Variants in PLEKHA7 observed in about 807,000 individuals in gnomAD.
The protein encoded by PLEKHA7 is pleckstrin homology domain-containing family A member 7.
A neutral mutation model predicts 170.0 loss-of-function variants in PLEKHA7; 104 were observed. That is an observed-to-expected ratio of 0.61 (90% confidence interval 0.52 to 0.72). The LOEUF is 0.72. Among genes scored for constraint, PLEKHA7 ranks in the 30% least tolerant of loss-of-function variants. PLEKHA7 has a pLI of 0.00. For synonymous variants in PLEKHA7, 648 were observed against 660.8 expected (o/e 0.98, Z 0.30); for missense variants, 1,615 against 1,671.7 (o/e 0.97, Z 0.59).
chr11:16,780,809 G>A lies in PLEKHA7; in HGVS notation c.3794-1789C>T, dbSNP rs1414786237. 1.7e-5 allele frequency: 3 copies of A among 177,144 alleles called. No homozygotes were observed. The Admixed American group carries it at 2.0e-4, about 12-fold the overall frequency. 11.0% of individuals were successfully genotyped at this position (177,144 alleles called of 1,614,324 possible). A position where few individuals can be genotyped will look rare whatever the true frequency, so the allele number is the denominator to read the frequency against. ...CCTACCAGTCAGAACAGTCCCGCCA[G>A]CGGCCGCTTTGCCAGTGGAAGGAGG... On this transcript the variant is annotated intron_variant, in intron 26 of 26. Transcript: ENST00000531066.
intron 3 of PLEKHA7, among the ~76,000 whole-genome samples, chr11:16,889,187 TG>T (rs924965153): frequency 2.0e-5 from 3 of 150,828 alleles, no homozygotes; most frequent in African/African-American, 7.3e-5. Flanking sequence ...CAATCAACTT[TG>T]TGACATTCTT....
intron 3 of PLEKHA7, among the ~76,000 whole-genome samples, chr11:16,954,928 G>C (rs962322996): frequency 1.3e-5 from 2 of 151,998 alleles, no homozygotes; most frequent in Non-Finnish European, 2.9e-5. Flanking sequence ...CTGACCTCGT[G>C]ATCCGCCCGC....
chr11:16,985,149 C>A (rs972890691), intron 3 of PLEKHA7, among the ~76,000 whole-genome samples: 7 of 152,232 alleles, frequency 4.6e-5, no homozygotes. Flanking sequence ...GATGCCTCTG[C>A]CTCATTCATC....
chr11:16,968,259 C>A (rs1236478488), intron 3 of PLEKHA7, among the ~76,000 whole-genome samples: 1 of 152,232 alleles, frequency 6.6e-6, no homozygotes, highest in Non-Finnish European at 1.5e-5. Flanking sequence ...TCCTCCCAAA[C>A]AACCACAAGG....
intron 4 of PLEKHA7, among the ~76,000 whole-genome samples, chr11:16,870,482 T>C (rs1431489496): frequency 1.3e-5 from 2 of 151,542 alleles, no homozygotes; most frequent in African/African-American, 4.9e-5. Context: ...TACAAAAATA[T>C]GCTGGGTGTG....
At chr11:16,878,932 AC>A (rs1184832776) in intron 3 of PLEKHA7, among the ~76,000 whole-genome samples, 1 of 152,188 alleles carries the variant, frequency 6.6e-6, no homozygotes, top group Non-Finnish European at 1.5e-5. Context: ...GCTCTCCTGA[AC>A]TGTGTTACAA....
intron 10 of PLEKHA7, among the ~76,000 whole-genome samples, chr11:16,818,748 A>C (rs17770452): frequency 6.6e-6 from 1 of 151,848 alleles, no homozygotes; most frequent in Non-Finnish European, 1.5e-5. Context: ...AAAACTGGAT[A>C]TGACTTCAAA....
intron 4 of PLEKHA7, among the ~76,000 whole-genome samples, chr11:16,860,378 T>C (rs574466803): frequency 6.9e-4 from 105 of 152,256 alleles, no homozygotes; most frequent in African/African-American, 2.5e-3. Flanking sequence ...GAGATCTGGT[T>C]AATGGGAGGC....
intron 13 of PLEKHA7, chr11:16,807,268 A>T: frequency 1.1e-6 from 1 of 877,102 alleles, no homozygotes; most frequent in Non-Finnish European, 1.4e-6. Context: ...GTAACAGGTG[A>T]GACATCAAAT....
At chr11:17,001,382 T>A (rs986797894) in intron 3 of PLEKHA7, among the ~76,000 whole-genome samples, 2 of 152,176 alleles carry the variant, frequency 1.3e-5, no homozygotes, top group Non-Finnish European at 2.9e-5. Context: ...GATGGCCAAC[T>A]CATTCCATCT....
chr11:16,789,613 C>G lies in PLEKHA7; in HGVS notation c.3156+162G>C. 1 of 657,124 alleles carries G rather than the reference C, an allele frequency of 1.5e-6. No homozygotes were observed. Among genetic ancestry groups the G allele is most frequent in the Non-Finnish European group, 2.6e-6 (1 of 386,602 alleles). 40.7% of individuals were successfully genotyped at this position (657,124 alleles called of 1,614,324 possible). ...CAGGCCAGAGAGAAAGGCAGGATGC[C>G]CTCCTTGGTGGACAGTGGGTGACAG... On this transcript the variant is annotated intron_variant, in intron 22 of 26. Transcript: ENST00000531066. This position sits in a 1 kb window ranked among gnomAD's most constrained non-coding sequence, Gnocchi z 4.6.
Position 16,932,188 on chromosome 11 carries a change from G to A in PLEKHA7, c.222-61006C>T, listed in dbSNP as rs188658947. Reference sequence around the variant, plus strand: ...TGTGGGATTAAAAATACCTACCTCTGTAGTATTATTATGAAGATTAAATAA... The same window carrying A: ...TGTGGGATTAAAAATACCTACCTCTATAGTATTATTATGAAGATTAAATAA... On this transcript the variant is annotated intron_variant, in intron 3 of 26. Transcript: ENST00000531066. Among the ~76,000 whole-genome samples the A allele has an allele frequency of 4.0e-5, 6 of 151,734 alleles. No individual in the cohort carries two copies. The East Asian group carries it at 1.2e-3, about 29-fold the overall frequency.
intron 24 of PLEKHA7, among the ~76,000 whole-genome samples, chr11:16,784,496 C>G (rs1444458523): frequency 6.6e-6 from 1 of 152,226 alleles, no homozygotes; most frequent in African/African-American, 2.4e-5. Context: ...CAGGAGGCAG[C>G]TATGCTGAAT....
intron 3 of PLEKHA7, among the ~76,000 whole-genome samples, chr11:16,929,682 C>G (rs1321118672): frequency 6.6e-6 from 1 of 152,202 alleles, no homozygotes; most frequent in African/African-American, 2.4e-5. Context: ...ACTGCACCAC[C>G]TCAGTGTAGG....
At chr11:16,818,942 TACAGGCGTGTGCCACC>T (rs1564957093) in intron 10 of PLEKHA7, among the ~76,000 whole-genome samples, 1 of 150,890 alleles carries the variant, frequency 6.6e-6, no homozygotes, top group African/African-American at 2.4e-5. Context: ...TAGCTGGGAC[TACAGGCGTGTGCCACC>T]ACACCCGGCT....
chr11:16,884,326 A>T (rs987469648), intron 3 of PLEKHA7, among the ~76,000 whole-genome samples: 4 of 152,242 alleles, frequency 2.6e-5, no homozygotes, highest in African/African-American at 4.8e-5. Context: ...AAAAACAGAA[A>T]AATTTCATAT....
At chr11:16,963,302 G>T in intron 3 of PLEKHA7, among the ~76,000 whole-genome samples, 1 of 152,118 alleles carries the variant, frequency 6.6e-6, no homozygotes, top group East Asian at 1.9e-4. Context: ...GTAGCTGCAG[G>T]CTCCTTGTAC....
chr11:16,928,174 G>T (rs1430323905), intron 3 of PLEKHA7, among the ~76,000 whole-genome samples: 2 of 152,118 alleles, frequency 1.3e-5, no homozygotes, highest in Non-Finnish European at 2.9e-5. Context: ...AGAATGTGAC[G>T]GTTCACGCCT....
intron 3 of PLEKHA7, among the ~76,000 whole-genome samples, chr11:16,960,908 A>T (rs1298066109): frequency 6.6e-6 from 1 of 151,930 alleles, no homozygotes; most frequent in East Asian, 1.9e-4. Flanking sequence ...CCAGTTACCC[A>T]CAACTCCTTG....
Sources: allele counts gnomAD v4.1 joint callset (sites outside exome capture counted in the v4.1 genomes callset), GRCh38; gene constraint gnomAD v4.1.1; non-coding constraint Gnocchi (gnomAD v3.1); transcripts MANE v1.5; gene names NCBI Gene and HGNC (gene_info 2026-07-23, HGNC 2026-07-21).